Variants in SSH2 observed in about 807,000 individuals in gnomAD.
The protein encoded by SSH2 is protein phosphatase Slingshot homolog 2.
Under a neutral mutation model 135.2 loss-of-function variants are expected in SSH2, and 37 were observed. That is an observed-to-expected ratio of 0.27 (90% CI 0.21 to 0.36). The LOEUF (loss-of-function observed/expected upper bound fraction) is 0.36, where lower values mean the gene tolerates loss of function less well. Ranked by LOEUF, SSH2 falls within the 10% of genes least tolerant of loss-of-function variation. SSH2 has a pLI of 1.00. For synonymous variants in SSH2, 628 were observed against 646.2 expected (o/e 0.97, Z 0.43); for missense variants, 1,408 against 1,765.3 (o/e 0.80, Z 3.63).
At chr17:29,684,501 A>T (rs1294172650) in intron 6 of SSH2, 62 bp downstream of exon 6, 30 of 1,478,352 alleles carry the variant, frequency 2.0e-5, no homozygotes, top group Non-Finnish European at 2.2e-5. Context: ...AAAAAAAAAA[A>T]AAGCAACTGG....
intron 3 of SSH2, among the ~76,000 whole-genome samples, chr17:29,735,221 G>A (rs1195057516): frequency 1.3e-5 from 2 of 152,020 alleles, no homozygotes; most frequent in Non-Finnish European, 2.9e-5. Flanking sequence ...AGAAATTATG[G>A]GTAGGTAAGA....
intron 3 of SSH2, among the ~76,000 whole-genome samples, chr17:29,742,204 G>T (rs1430628048): frequency 6.6e-6 from 1 of 151,798 alleles, no homozygotes; most frequent in Admixed American, 6.6e-5. Context: ...CAAAGTGCTG[G>T]GATTACAGGT....
intron 1 of SSH2, among the ~76,000 whole-genome samples, chr17:29,892,270 C>G (rs2066364682): frequency 6.6e-6 from 1 of 151,894 alleles, no homozygotes; most frequent in Non-Finnish European, 1.5e-5. Context: ...TCCAAAGCAG[C>G]CCCCACCCCC....
intron 2 of SSH2, among the ~76,000 whole-genome samples, chr17:29,833,335 T>C (rs1216997470): frequency 6.6e-6 from 1 of 152,232 alleles, no homozygotes; most frequent in Non-Finnish European, 1.5e-5. Flanking sequence ...TATCATTATA[T>C]AATAGTCCTC....
At chr17:29,790,622 A>T (rs1359276060) in intron 3 of SSH2, among the ~76,000 whole-genome samples, 2 of 151,938 alleles carry the variant, frequency 1.3e-5, no homozygotes, top group African/African-American at 4.8e-5. Flanking sequence ...GTGTCTTTTG[A>T]TGCACAGAAG....
rs1379330061 is a variant in SSH2 at position 29,767,382 on chromosome 17, T to TC, written c.188+26511_188+26512insG. ...TTTAAACGTTTTCTTTTTTCTTTTT[T>TC]TTTTTTAGACCTCTCAGGGATGAAA... On this transcript the variant is annotated intron_variant, in intron 3 of 15. Coordinates refer to ENST00000540801, the MANE Select transcript of SSH2 (RefSeq NM_001282129.2). Among the ~76,000 whole-genome samples, 35 of 151,054 alleles carry TC rather than the reference T, an allele frequency of 2.3e-4. No individual in the cohort carries two copies. In the South Asian group the frequency reaches 7.1e-3, roughly 31 times the overall value.
At chr17:29,680,768 G>T (rs2037946691) in intron 6 of SSH2, among the ~76,000 whole-genome samples, 1 of 152,002 alleles carries the variant, frequency 6.6e-6, no homozygotes, top group Admixed American at 6.6e-5. Context: ...GGCTTCCCAA[G>T]ATGAAGTGGG....
chr17:29,626,252 T>C lies in SSH2; in HGVS notation c.*4589A>G, dbSNP rs189381366. 6.7e-6 allele frequency: 1 copy of C among 148,802 alleles called. No homozygotes were observed. Among genetic ancestry groups the C allele is most frequent in the East Asian group, 2.0e-4 (1 of 5,072 alleles). The allele number at this position is 148,802 out of a possible 1,614,324, so 9.2% of individuals were successfully genotyped here. On this transcript the variant is annotated 3_prime_UTR_variant, in exon 16 of 16. Coordinates refer to ENST00000540801, the MANE Select transcript of SSH2 (RefSeq NM_001282129.2). ...AGTCTTCTGGACTTGTTTTCCATGT[T>C]AGAACAAGTCCTACAAAACAAAGCA...
At chr17:29,908,770 A>G (rs2066705624) in intron 1 of SSH2, among the ~76,000 whole-genome samples, 1 of 141,630 alleles carries the variant, frequency 7.1e-6, no homozygotes, top group Non-Finnish European at 1.5e-5. Flanking sequence ...TCTGAAAAAA[A>G]AAAAAAAAAA....
intron 3 of SSH2, among the ~76,000 whole-genome samples, chr17:29,731,710 C>A (rs374888668): frequency 2.0e-5 from 3 of 152,080 alleles, no homozygotes; most frequent in Non-Finnish European, 2.9e-5. Flanking sequence ...TCCACCTGGG[C>A]CTCCCAAAGT....
chr17:29,918,758 G>A (rs375917505), intron 1 of SSH2, among the ~76,000 whole-genome samples: 5 of 152,214 alleles, frequency 3.3e-5, no homozygotes, highest in African/African-American at 7.2e-5. Context: ...CCAACATGGC[G>A]AAACCCTATC....
chr17:29,912,730 C>A (rs1360760253), intron 1 of SSH2, among the ~76,000 whole-genome samples: 1 of 152,000 alleles, frequency 6.6e-6, no homozygotes, highest in African/African-American at 2.4e-5. Flanking sequence ...GATCCTGTCT[C>A]TAAAGTCCAC....
At chr17:29,743,475 A>G (rs1017381476) in intron 3 of SSH2, among the ~76,000 whole-genome samples, 5 of 152,170 alleles carry the variant, frequency 3.3e-5, no homozygotes, top group African/African-American at 1.2e-4. Flanking sequence ...CAAATGGGGC[A>G]TATGGCCTTC....
chr17:29,675,807 G>GGAGAGAGAGAGAGAGATAT (rs1567866281), intron 8 of SSH2: 5 of 150,440 alleles, frequency 3.3e-5, no homozygotes, highest in African/African-American at 1.2e-4. Context: ...TCTCTTTAAA[G>GGAGAGAGAGAGAGAGATAT]GAGAGAGAGA....
At chr17:29,685,080 C>T (rs1166788277) in intron 5 of SSH2, among the ~76,000 whole-genome samples, 1 of 152,088 alleles carries the variant, frequency 6.6e-6, no homozygotes, top group East Asian at 1.9e-4. Flanking sequence ...AGATGCAATT[C>T]CCACAAACAA....
At chr17:29,925,333 G>T in intron 1 of SSH2, 1 of 389,534 alleles carries the variant, frequency 2.6e-6, no homozygotes. Context: ...ATGGTCAAAG[G>T]GTACAAAGTT....
chr17:29,663,418 T>C (rs2037134592), intron 11 of SSH2, among the ~76,000 whole-genome samples: 1 of 152,190 alleles, frequency 6.6e-6, no homozygotes, highest in Non-Finnish European at 1.5e-5. Context: ...GGAGAAGAGA[T>C]AGGGAGTTGG....
At position 29,728,113 on chromosome 17, in the gene SSH2, C is replaced by T. The variant is rs112119122; in HGVS notation, c.189-25051G>A. Among the ~76,000 whole-genome samples the T allele has an allele frequency of 4.4e-3, 672 of 152,208 alleles. 3 individuals are homozygous for T. Among genetic ancestry groups the T allele is most frequent in the Non-Finnish European group, 8.0e-3 (543 of 67,996 alleles). On this transcript the variant is annotated intron_variant, in intron 3 of 15. Transcript: ENST00000540801. ...AAAGTGCTGGGATTACAGGAATGAG[C>T]CACTGTGCCCATGCAGATGATATGA...
At chr17:29,728,666 A>C (rs1175130468) in intron 3 of SSH2, among the ~76,000 whole-genome samples, 2 of 152,216 alleles carry the variant, frequency 1.3e-5, no homozygotes, top group Non-Finnish European at 2.9e-5. Context: ...GAGCTATAGT[A>C]ACCAAAACAG....
Sources: gnomAD v4.1 joint callset for allele counts (sites outside exome capture counted in the v4.1 genomes callset) on GRCh38, gnomAD v4.1.1 for gene constraint, MANE v1.5 for transcripts, NCBI Gene and HGNC (gene_info 2026-07-23, HGNC 2026-07-21) for gene names.